SUGCT: variants seen among roughly 807,000 people sequenced by gnomAD.
SUGCT encodes the protein succinyl-CoA:glutarate CoA-transferase.
Under a neutral mutation model 55.0 loss-of-function variants are expected in SUGCT, and 41 were observed. That is an observed-to-expected ratio of 0.74 (90% confidence interval 0.58 to 0.97). SUGCT has a LOEUF of 0.97. Ranked by LOEUF, SUGCT falls within the 50% of genes least tolerant of loss-of-function variation. The pLI, the probability that SUGCT is intolerant of heterozygous loss-of-function variation, is 0.00. For missense variants in SUGCT, 568 were observed against 547.8 expected (o/e 1.04, Z -0.37); for synonymous variants, 187 against 200.4 (o/e 0.93, Z 0.56).
At chr7:41,010,862 T>C in the SUGCT span, among the ~76,000 whole-genome samples, 1 of 152,218 alleles carries the variant, frequency 6.6e-6, no homozygotes, top group African/African-American at 2.4e-5. Flanking sequence ...ATGTATTAAA[T>C]TGGAATGTTT....
intron 12 of SUGCT, among the ~76,000 whole-genome samples, chr7:40,605,043 C>T (rs1035069061): frequency 6.6e-6 from 1 of 152,246 alleles, no homozygotes. Context: ...CAGAGCAGCA[C>T]ACGCGTCCGC....
intron 12 of SUGCT, among the ~76,000 whole-genome samples, chr7:40,675,783 A>G (rs1001283876): frequency 2.0e-5 from 3 of 152,236 alleles, no homozygotes; most frequent in Admixed American, 6.5e-5. Context: ...CAGAGGTGTC[A>G]GAATGGAGAG....
chr7:40,812,595 C>T (rs1584476925), intron 13 of SUGCT, among the ~76,000 whole-genome samples: 1 of 151,902 alleles, frequency 6.6e-6, no homozygotes, highest in African/African-American at 2.4e-5. Flanking sequence ...TCTGATTGTA[C>T]ATATTTGGAT....
At chr7:40,655,495 C>G (rs1359250624) in intron 12 of SUGCT, among the ~76,000 whole-genome samples, 2 of 152,150 alleles carry the variant, frequency 1.3e-5, no homozygotes, top group Non-Finnish European at 2.9e-5. Flanking sequence ...AGAATTCTCT[C>G]CCCTACTCTG....
chr7:40,637,159 A>T (rs1185489744), intron 12 of SUGCT, among the ~76,000 whole-genome samples: 1 of 152,154 alleles, frequency 6.6e-6, no homozygotes, highest in African/African-American at 2.4e-5. Context: ...TCCAGGGAAA[A>T]CTCACTAAAA....
the SUGCT span, among the ~76,000 whole-genome samples, chr7:40,948,279 C>T: frequency 2.0e-5 from 3 of 152,278 alleles, no homozygotes; most frequent in African/African-American, 4.8e-5. Context: ...CTGCAACTGA[C>T]GATCATGTTC....
At chr7:40,946,632 G>T in the SUGCT span, among the ~76,000 whole-genome samples, 4 of 152,178 alleles carry the variant, frequency 2.6e-5, no homozygotes, top group Non-Finnish European at 5.9e-5. Flanking sequence ...AGGTTTGCTA[G>T]TGACACATTC....
chr7:40,269,753 A>G (rs1791880414), intron 7 of SUGCT, among the ~76,000 whole-genome samples: 1 of 152,200 alleles, frequency 6.6e-6, no homozygotes, highest in African/African-American at 2.4e-5. Flanking sequence ...GACCATTTGT[A>G]TATTTTCTTT....
intron 11 of SUGCT, among the ~76,000 whole-genome samples, chr7:40,466,501 C>G (rs971976497): frequency 6.6e-6 from 1 of 152,316 alleles, no homozygotes; most frequent in Non-Finnish European, 1.5e-5. Context: ...AGCATCTACC[C>G]CACTCAACTT....
chr7:40,377,186 CT>C (rs1300746604), intron 9 of SUGCT, among the ~76,000 whole-genome samples: 2 of 13,530 alleles, frequency 1.5e-4, no homozygotes, highest in African/African-American at 1.0e-4. Flanking sequence ...TTCTTTCTTT[CT>C]TTCTTTCTTT....
chr7:40,729,412 T>C (rs1027864621), intron 12 of SUGCT, among the ~76,000 whole-genome samples: 13 of 152,242 alleles, frequency 8.5e-5, no homozygotes, highest in African/African-American at 1.2e-4. Flanking sequence ...CAATAGATGT[T>C]CTGAGCTGAC....
chr7:40,788,335 A>T (rs780057219), intron 13 of SUGCT, among the ~76,000 whole-genome samples: 5 of 152,218 alleles, frequency 3.3e-5, no homozygotes, highest in Non-Finnish European at 5.9e-5. Context: ...ATACAATTGT[A>T]AATCAGTCTT....
chr7:40,563,162 G>T (rs973376782), intron 12 of SUGCT, among the ~76,000 whole-genome samples: 1 of 152,152 alleles, frequency 6.6e-6, no homozygotes, highest in Admixed American at 6.5e-5. Flanking sequence ...GTTGCCCAAA[G>T]ACAGGAGCTT....
intron 13 of SUGCT, among the ~76,000 whole-genome samples, chr7:40,840,800 TC>T (rs1282819367): frequency 2.2e-4 from 25 of 112,686 alleles, no homozygotes; most frequent in African/African-American, 9.0e-4. Context: ...ATTGATAAAC[TC>T]CTGCTAAGTC....
At chr7:40,137,730 G>A (rs1787771514) in intron 1 of SUGCT, among the ~76,000 whole-genome samples, 1 of 152,024 alleles carries the variant, frequency 6.6e-6, no homozygotes, top group Admixed American at 6.6e-5. Flanking sequence ...ATCCAGGCTG[G>A]AGTGCAGTGG....
At chr7:40,770,520 A>C (rs1789040660) in intron 13 of SUGCT, among the ~76,000 whole-genome samples, 1 of 152,194 alleles carries the variant, frequency 6.6e-6, no homozygotes, top group Admixed American at 6.5e-5. Flanking sequence ...AAAAAGGAAC[A>C]AAGAGCATAC....
At chr7:40,532,649 A>G (rs539468302) in intron 12 of SUGCT, among the ~76,000 whole-genome samples, 4 of 151,912 alleles carry the variant, frequency 2.6e-5, no homozygotes, top group African/African-American at 9.7e-5. Context: ...TAGGTAAGCA[A>G]GCAAAAATTT....
At chr7:40,575,605 A>G (rs1478994621) in intron 12 of SUGCT, among the ~76,000 whole-genome samples, 1 of 152,116 alleles carries the variant, frequency 6.6e-6, no homozygotes, top group Non-Finnish European at 1.5e-5. Flanking sequence ...GAAAAAAAAA[A>G]AAGCTAAAAA....
At chr7:40,765,967 A>G (rs1166275452) in intron 13 of SUGCT, among the ~76,000 whole-genome samples, 1 of 152,180 alleles carries the variant, frequency 6.6e-6, no homozygotes, top group South Asian at 2.1e-4. Flanking sequence ...AATGCTTCAC[A>G]TATATGAAAG....
Sources: allele counts gnomAD v4.1 joint callset (sites outside exome capture counted in the v4.1 genomes callset), GRCh38; gene constraint gnomAD v4.1.1; transcripts MANE v1.5; gene names NCBI Gene and HGNC (gene_info 2026-07-23, HGNC 2026-07-21).